CD72: variants seen among roughly 807,000 people sequenced by gnomAD.
CD72 encodes B-cell differentiation antigen CD72.
A neutral mutation model predicts 50.7 loss-of-function variants in CD72; 28 were observed. The observed-to-expected ratio is 0.55, with a 90% CI of 0.41 to 0.76. CD72 has a LOEUF of 0.76. Among genes scored for constraint, CD72 ranks in the 30% least tolerant of loss-of-function variants. CD72 has a pLI of 0.00. For synonymous variants in CD72, 176 were observed against 171.2 expected (o/e 1.03, Z -0.22); for missense variants, 403 against 420.6 (o/e 0.96, Z 0.37).
intron 5 of CD72, among the ~76,000 whole-genome samples, chr9:35,613,473 C>G (rs1286773899): frequency 6.6e-6 from 1 of 152,152 alleles, no homozygotes; most frequent in African/African-American, 2.4e-5. Context: ...CTTCTCTGTT[C>G]TTCTTTTCCT....
chr9:35,618,478 C>T, upstream of CD72: 4 of 1,451,464 alleles, frequency 2.8e-6, no homozygotes, highest in Non-Finnish European at 3.7e-6. Flanking sequence ...AAGTCTCAAA[C>T]AGATGGGCTC....
chr9:35,631,777 C>A (rs1448715015), intron 1 of CD72, among the ~76,000 whole-genome samples: 2 of 152,100 alleles, frequency 1.3e-5, no homozygotes, highest in Non-Finnish European at 2.9e-5. Context: ...GTAATCCCAG[C>A]TACTCGGGAG....
rs777011557 is a variant in CD72, at chr9:35,616,614, C to T, written c.338G>A (p.Cys113Tyr). Residue 113 changes from cysteine to tyrosine, a missense_variant, in exon 4 of 9, where the codon TGC becomes TAC. By Grantham distance (194) the Cys-to-Tyr change is radical. Transcript: ENST00000259633. ...GCCTTACTCACAGCGCACTCCCAGG[C>T]AGATGGCGGTCACTCCTAACAGCAG... ...TCLLLGVTAI[C>Y]LGVRYLQVSQ... 44 of 1,613,734 alleles carry T rather than the reference C, an allele frequency of 2.7e-5. No homozygotes were observed. In the East Asian group the frequency reaches 9.6e-4, roughly 35 times the overall value.
chr9:35,610,807 C>A, intron 7 of CD72, 54 bp from the exon 8 acceptor site: 1 of 1,429,622 alleles, frequency 7.0e-7, no homozygotes, highest in South Asian at 1.2e-5. Context: ...CCCACCCTCC[C>A]TTCTCTCCCC....
rs146670322 is a variant in CD72 at position 35,643,915 on chromosome 9, G to A, written n.408+2488C>T. Among the ~76,000 whole-genome samples the A allele has an allele frequency of 6.6e-3, 1,009 of 152,196 alleles. 7 individuals carry two copies. The highest frequency in any genetic ancestry group is 0.027 in the Middle Eastern group (8 of 294). ...GCAGGAGAATTGCTTAAATCTGGAG[G>A]TGGAGGTTGCAGTGGGGCCAAGATC... is the stretch of plus-strand genomic sequence containing the variant. On this transcript the variant is annotated intron_variant and non_coding_transcript_variant, in intron 1 of 3. Transcript: ENST00000465754.
In CD72 at chr9:35,612,045, T is replaced by C. The variant is rs1027429179; in HGVS notation, c.835-126A>G. 1.6e-5 allele frequency: 10 copies of C among 613,322 alleles called. No homozygotes were observed. In the East Asian group the frequency reaches 1.7e-4, roughly 10 times the overall value. The allele number at this position is 613,322 out of a possible 1,614,324, so 38.0% of individuals were successfully genotyped here. On this transcript the variant is annotated intron_variant, in intron 6 of 8. Transcript: ENST00000259633. ...GTATATATGACAGCTCTTTGGTAAC[T>C]TGTCCCTGAATCCATCAAGTGCCAC...
At chr9:35,635,303 T>G (rs1334080189) in intron 1 of CD72, among the ~76,000 whole-genome samples, 1 of 152,230 alleles carries the variant, frequency 6.6e-6, no homozygotes, top group Non-Finnish European at 1.5e-5. Flanking sequence ...TTGTTCCTTT[T>G]TCTCCTGGAA....
chr9:35,610,702 C>T lies in CD72; in HGVS notation c.1002G>A (p.Trp334Ter), dbSNP rs1468151461. The change falls in exon 8 of 9, where the codon TGG (tryptophan) becomes TGA (stop). Residue 334 changes from tryptophan to a stop codon, truncating the protein, a stop_gained. Coordinates refer to ENST00000259633, the MANE Select transcript of CD72 (RefSeq NM_001782.3). LOFTEE classifies it high-confidence loss of function. ...TACATGACTCTGACTCCAGTGTCCA[C>T]CATGACCAAGTTTTATGTACCTTGT... Reference protein sequence around the residue: ...KCNKVHKTWSWWTLESESCRS... With the variant: ...KCNKVHKTWS 6.2e-7 allele frequency: 1 copy of T among 1,611,184 alleles called. No individual in the cohort carries two copies. Among genetic ancestry groups the T allele is most frequent in the Non-Finnish European group, 8.5e-7 (1 of 1,177,492 alleles).
intron 1 of CD72, among the ~76,000 whole-genome samples, chr9:35,627,500 A>C (rs1224255617): frequency 1.3e-5 from 2 of 152,110 alleles, no homozygotes; most frequent in Non-Finnish European, 2.9e-5. Context: ...CTCAAACCTG[A>C]ACCCACAATA....
chr9:35,634,118 GT>G (rs1263689160), intron 1 of CD72, among the ~76,000 whole-genome samples: 1 of 151,778 alleles, frequency 6.6e-6, no homozygotes, highest in Non-Finnish European at 1.5e-5. Context: ...TTGTTTTAAA[GT>G]TTTTTTATAT....
rs777590980 is a variant in CD72 at position 35,610,665 on chromosome 9, G to A, written c.1039C>T (p.Pro347Ser). 64 of 1,613,606 alleles carry A rather than the reference G, an allele frequency of 4.0e-5. 1 individual carries two copies. In the South Asian group the frequency reaches 6.6e-4, roughly 17 times the overall value. The change falls in exon 8 of 9, where the codon CCC (proline) becomes TCC (serine). Residue 347 changes from proline to serine, a missense_variant. Physicochemically the swap from Pro to Ser is moderately conservative, Grantham distance 74. Transcript: ENST00000259633. Reference sequence around the variant, plus strand: ...AAAGCTGTCATCTCACAGATGTAGGGAAGAGAACTTCTACATGACTCTGAC... The same window carrying A: ...AAAGCTGTCATCTCACAGATGTAGGAAAGAGAACTTCTACATGACTCTGAC... Reference protein sequence around the residue: ...LESESCRSSLPYICEMTAFRF... With the variant: ...LESESCRSSLSYICEMTAFRF...
intron 1 of CD72, among the ~76,000 whole-genome samples, chr9:35,627,447 G>T (rs1359856352): frequency 8.2e-6 from 1 of 122,552 alleles, no homozygotes; most frequent in East Asian, 2.4e-4. Context: ...ACTTTTATAT[G>T]CATTGGGAAA....
intron 1 of CD72, among the ~76,000 whole-genome samples, chr9:35,628,662 G>A (rs886772563): frequency 6.6e-6 from 1 of 152,212 alleles, no homozygotes; most frequent in Non-Finnish European, 1.5e-5. Context: ...TAGGTGAGCA[G>A]AGCAGAGGGC....
At chr9:35,628,613 G>A (rs1460155516) in intron 1 of CD72, among the ~76,000 whole-genome samples, 2 of 152,212 alleles carry the variant, frequency 1.3e-5, no homozygotes, top group Non-Finnish European at 2.9e-5. Flanking sequence ...CAGAGGCTAA[G>A]GGCAGGCCTG....
chr9:35,614,781 G>A (rs1315131601), intron 5 of CD72, among the ~76,000 whole-genome samples: 3 of 152,110 alleles, frequency 2.0e-5, no homozygotes, highest in African/African-American at 2.4e-5. Context: ...CAGGAGGATC[G>A]CTTGAGTCCA....
chr9:35,617,464 C>T (rs890593883), intron 2 of CD72, among the ~76,000 whole-genome samples: 3 of 151,616 alleles, frequency 2.0e-5, no homozygotes, highest in African/African-American at 7.3e-5. Flanking sequence ...TCCCGGGACC[C>T]CCTCATCTCT....
At position 35,625,637 on chromosome 9, in the gene CD72, A is replaced by G. The variant is rs1823189150; in HGVS notation, n.409-7516T>C. On this transcript the variant is annotated intron_variant and non_coding_transcript_variant, in intron 1 of 3. Coordinates refer to the CD72 transcript ENST00000465754. ...AGAAGAGGCCATCTAGGACTTTCAT[A>G]GCTGGAGAAGAAAAGTCAGTGCCTG... 2.0e-5 allele frequency among the ~76,000 whole-genome samples: 3 copies of G among 152,354 alleles called. No individual in the cohort carries two copies. In the South Asian group the frequency reaches 6.2e-4, roughly 32 times the overall value.
At chr9:35,635,849 G>T (rs1448249436) in intron 1 of CD72, among the ~76,000 whole-genome samples, 3 of 152,148 alleles carry the variant, frequency 2.0e-5, no homozygotes, top group African/African-American at 7.2e-5. Context: ...CTTAAAGTTT[G>T]TCACCTATAG....
upstream of CD72, among the ~76,000 whole-genome samples, chr9:35,624,001 C>T (rs775868073): frequency 5.3e-5 from 8 of 151,724 alleles, no homozygotes; most frequent in Non-Finnish European, 7.4e-5. Context: ...AGGCTGAAGT[C>T]GGTGGATCAC....
Sources: allele counts gnomAD v4.1 joint callset (sites outside exome capture counted in the v4.1 genomes callset), GRCh38; gene constraint gnomAD v4.1.1; transcripts MANE v1.5; gene names NCBI Gene and HGNC (gene_info 2026-07-23, HGNC 2026-07-21).